Variants in SUGCT observed in about 807,000 individuals in gnomAD.
The protein encoded by SUGCT is succinyl-CoA:glutarate-CoA transferase.
Under a neutral mutation model 55.0 loss-of-function variants are expected in SUGCT, and 41 were observed. The observed-to-expected ratio is 0.74, with a 90% CI of 0.58 to 0.97. The LOEUF is 0.97. SUGCT is among the 50% of genes least tolerant of loss of function. The pLI, the probability that SUGCT is intolerant of heterozygous loss-of-function variation, is 0.00. For synonymous variants in SUGCT, 187 were observed against 200.4 expected (o/e 0.93, Z 0.56); for missense variants, 568 against 547.8 (o/e 1.04, Z -0.37).
chr7:40,417,531 T>C (rs1416964249), intron 9 of SUGCT, among the ~76,000 whole-genome samples: 1 of 151,948 alleles, frequency 6.6e-6, no homozygotes, highest in East Asian at 1.9e-4. Flanking sequence ...TTATTGTGCT[T>C]TTAAAATTTA....
intron 1 of SUGCT, among the ~76,000 whole-genome samples, chr7:40,166,547 A>G (rs1430781454): frequency 6.6e-6 from 1 of 152,218 alleles, no homozygotes; most frequent in Non-Finnish European, 1.5e-5. Flanking sequence ...TAAAACCCCA[A>G]CAAGAAACCT....
intron 11 of SUGCT, 133 bp from the exon 12 acceptor site, chr7:40,496,150 CA>C: frequency 1.7e-6 from 1 of 598,976 alleles, no homozygotes; most frequent in Non-Finnish European, 2.9e-6. Flanking sequence ...AACCTTCTCT[CA>C]AATGAGGTGT....
intron 12 of SUGCT, among the ~76,000 whole-genome samples, chr7:40,710,773 G>T (rs1785668560): frequency 6.6e-6 from 1 of 152,086 alleles, no homozygotes; most frequent in South Asian, 2.1e-4. Context: ...CTCATCAGAG[G>T]TTTTATTATT....
intron 13 of SUGCT, among the ~76,000 whole-genome samples, chr7:40,799,868 A>G (rs1790722881): frequency 6.6e-6 from 1 of 152,226 alleles, no homozygotes; most frequent in Non-Finnish European, 1.5e-5. Context: ...AAAAGTCATT[A>G]GTATAGCAAA....
At chr7:40,535,580 G>T (rs1196812590) in intron 12 of SUGCT, among the ~76,000 whole-genome samples, 1 of 152,154 alleles carries the variant, frequency 6.6e-6, no homozygotes, top group Non-Finnish European at 1.5e-5. Context: ...CATGTTCATT[G>T]CAGGGCTTTT....
chr7:40,677,107 C>T lies in SUGCT; in HGVS notation c.1090-72327C>T, dbSNP rs531734471. Among the ~76,000 whole-genome samples, 50 of 152,268 alleles carry T rather than the reference C, an allele frequency of 3.3e-4. 1 individual carries two copies. Among genetic ancestry groups the T allele is most frequent in the South Asian group, 2.1e-3 (10 of 4,832 alleles). Reference sequence around the variant, plus strand: ...TCTACAGCTTTTATCATTGCACAGCCTGCATCCCAACAGGCAACAGTTATA... The same window carrying T: ...TCTACAGCTTTTATCATTGCACAGCTTGCATCCCAACAGGCAACAGTTATA... On this transcript the variant is annotated intron_variant, in intron 12 of 13. Coordinates refer to ENST00000335693, the MANE Select transcript of SUGCT (RefSeq NM_001193313.2).
chr7:41,001,659 G>C, the SUGCT span, among the ~76,000 whole-genome samples: 6 of 152,146 alleles, frequency 3.9e-5, no homozygotes, highest in Admixed American at 3.9e-4. Flanking sequence ...TTCAACTGCT[G>C]TTACTAGGGT....
chr7:41,004,288 T>A, the SUGCT span, among the ~76,000 whole-genome samples: 1 of 152,236 alleles, frequency 6.6e-6, no homozygotes, highest in East Asian at 1.9e-4. Flanking sequence ...CCAGTGCTTA[T>A]TGTCATGGTT....
the SUGCT span, among the ~76,000 whole-genome samples, chr7:40,906,810 G>C: frequency 1.3e-5 from 2 of 152,192 alleles, no homozygotes; most frequent in Admixed American, 6.5e-5. Flanking sequence ...AGAAAGGAGA[G>C]AGGAGAAGTA....
chr7:40,873,114 CT>C, the SUGCT span, among the ~76,000 whole-genome samples: 1 of 152,090 alleles, frequency 6.6e-6, no homozygotes, highest in Admixed American at 6.6e-5. Flanking sequence ...TCAAGAGGTA[CT>C]TAAGGACATG....
intron 9 of SUGCT, among the ~76,000 whole-genome samples, chr7:40,418,266 A>G (rs926469656): frequency 2.6e-5 from 4 of 152,140 alleles, no homozygotes; most frequent in African/African-American, 4.8e-5. Flanking sequence ...GGTTTACTGT[A>G]AGGATTCAGA....
At chr7:40,916,551 A>C in the SUGCT span, among the ~76,000 whole-genome samples, 2 of 152,236 alleles carry the variant, frequency 1.3e-5, no homozygotes, top group East Asian at 1.9e-4. Flanking sequence ...TCCTGATAAC[A>C]TCATGTGGGT....
At chr7:40,897,985 G>C in the SUGCT span, among the ~76,000 whole-genome samples, 1 of 152,132 alleles carries the variant, frequency 6.6e-6, no homozygotes, top group Non-Finnish European at 1.5e-5. Flanking sequence ...GCCAACAGTG[G>C]CCACCCGCTC....
chr7:40,948,143 G>A, the SUGCT span, among the ~76,000 whole-genome samples: 1 of 152,158 alleles, frequency 6.6e-6, no homozygotes, highest in Non-Finnish European at 1.5e-5. Flanking sequence ...TTCATGTCCT[G>A]TGATATTGCA....
At chr7:40,477,926 A>G (rs1327161194) in intron 11 of SUGCT, among the ~76,000 whole-genome samples, 1 of 152,198 alleles carries the variant, frequency 6.6e-6, no homozygotes, top group Admixed American at 6.5e-5. Context: ...ATGTCAATAG[A>G]GAACAAATAG....
At chr7:40,502,061 T>C (rs139521907) in intron 12 of SUGCT, among the ~76,000 whole-genome samples, 2 of 152,210 alleles carry the variant, frequency 1.3e-5, no homozygotes, top group East Asian at 3.9e-4. Flanking sequence ...TTTTACTATT[T>C]AGTAATTTTG....
At chr7:40,909,589 T>C in the SUGCT span, among the ~76,000 whole-genome samples, 1 of 152,198 alleles carries the variant, frequency 6.6e-6, no homozygotes, top group Non-Finnish European at 1.5e-5. Context: ...TTCTTAGACA[T>C]TGGAGTTCTC....
intron 6 of SUGCT, among the ~76,000 whole-genome samples, chr7:40,228,967 G>A (rs940590863): frequency 5.9e-5 from 9 of 152,050 alleles, no homozygotes; most frequent in African/African-American, 1.7e-4. Context: ...AGGCCTTTCC[G>A]GGTTGGCTTC....
At chr7:40,956,325 G>A in the SUGCT span, among the ~76,000 whole-genome samples, 1 of 152,064 alleles carries the variant, frequency 6.6e-6, no homozygotes, top group Non-Finnish European at 1.5e-5. Context: ...GGTTTATTCA[G>A]GGATTTGACT....
Sources: gnomAD v4.1 joint callset for allele counts (sites outside exome capture counted in the v4.1 genomes callset) on GRCh38, gnomAD v4.1.1 for gene constraint, MANE v1.5 for transcripts, NCBI Gene and HGNC (gene_info 2026-07-23, HGNC 2026-07-21) for gene names.